Variants in KLK10 observed in about 807,000 individuals in gnomAD.
KLK10 encodes the protein kallikrein related peptidase 10, also known as kallikrein-10.
In KLK10, 27 loss-of-function variants were observed where a neutral mutation model predicts 25.7. That is an observed-to-expected ratio of 1.05 (90% CI 0.77 to 1.45). The LOEUF (loss-of-function observed/expected upper bound fraction) is 1.45, where lower values mean the gene tolerates loss of function less well. KLK10 is among the 40% of genes most tolerant of loss of function. KLK10 has a pLI of 0.00. For missense variants in KLK10, 386 were observed against 370.0 expected (o/e 1.04, Z -0.35); for synonymous variants, 173 against 160.1 (o/e 1.08, Z -0.61).
At chr19:51,015,239 G>T (rs2091308785) in intron 5 of KLK10, among the ~76,000 whole-genome samples, 178 bp downstream of exon 5, 2 of 151,674 alleles carry the variant, frequency 1.3e-5, no homozygotes, top group Non-Finnish European at 2.9e-5. Flanking sequence ...ATGGGGTGGG[G>T]TTGGGATGGA....
At chr19:51,016,240 A>G in intron 3 of KLK10, 84 bp from the exon 4 acceptor site, 1 of 1,416,594 alleles carries the variant, frequency 7.1e-7, no homozygotes. Flanking sequence ...GCCTGGAGAT[A>G]GGAAGAGTCT....
rs1409565996 is a variant in KLK10 at position 51,014,789 on chromosome 19, T to C, written c.*11A>G. The C allele has an allele frequency of 1.3e-6, 2 of 1,575,214 alleles. No homozygotes were observed. Among genetic ancestry groups the C allele is most frequent in the Non-Finnish European group, 1.7e-6 (2 of 1,152,040 alleles). ...CATAACATCTGGATCAGCTGGAGCG[T>C]AGCATCTGGATCAGTTGGAGCGTAT... On this transcript the variant is annotated 3_prime_UTR_variant, in exon 6 of 6. Coordinates refer to ENST00000358789, the MANE Select transcript of KLK10 (RefSeq NM_145888.3).
chr19:51,017,046 G>A, intron 3 of KLK10, 64 bp downstream of exon 3: 1 of 1,434,222 alleles, frequency 7.0e-7, no homozygotes, highest in Non-Finnish European at 9.3e-7. Context: ...CGCCCTGCCC[G>A]CTCCTCCCTG....
Position 51,014,795 on chromosome 19 carries a change from C to T in KLK10, c.*5G>A. On this transcript the variant is annotated 3_prime_UTR_variant, in exon 6 of 6. Coordinates refer to ENST00000358789, the MANE Select transcript of KLK10 (RefSeq NM_145888.3). Reference sequence around the variant, plus strand: ...ATCTGGATCAGCTGGAGCGTAGCATCTGGATCAGTTGGAGCGTATGACTTT... The same window carrying T: ...ATCTGGATCAGCTGGAGCGTAGCATTTGGATCAGTTGGAGCGTATGACTTT... 1 of 1,575,790 alleles carries T rather than the reference C, an allele frequency of 6.3e-7. No individual in the cohort carries two copies. The highest frequency in any genetic ancestry group is 8.7e-7 in the Non-Finnish European group (1 of 1,152,348).
rs2091288040 is a variant in KLK10, at chr19:51,013,538, C to T, written c.*1262G>A. On this transcript the variant is annotated 3_prime_UTR_variant, in exon 6 of 6. Coordinates refer to ENST00000358789, the MANE Select transcript of KLK10 (RefSeq NM_145888.3). ...CCCCCGGGTTCAAGTGATTCTTCTGCCTCAGCCTCCCAAGTAGATGGGATT... is the reference window on the plus strand; with the variant it reads ...CCCCCGGGTTCAAGTGATTCTTCTGTCTCAGCCTCCCAAGTAGATGGGATT... The T allele has an allele frequency of 6.5e-6, 1 of 152,850 alleles. No individual in the cohort carries two copies. Among genetic ancestry groups the T allele is most frequent in the Non-Finnish European group, 1.5e-5 (1 of 68,096 alleles). 9.5% of individuals were successfully genotyped at this position (152,850 alleles called of 1,614,324 possible).
Position 51,014,834 on chromosome 19 carries a change from A to G in KLK10, c.797T>C (p.Met266Thr). ...GCGTATGACTTTATTGATCCAGGAC[A>G]TGTATTTGCAGATCTGGGTGTAGAC... Reference protein sequence around the residue: ...PAVYTQICKYMSWINKVIRSN With the variant: ...PAVYTQICKYTSWINKVIRSN Residue 266 changes from methionine to threonine, a missense_variant, in exon 6 of 6, where the codon ATG (methionine) becomes ACG (threonine). Met to Thr is a moderately conservative substitution (Grantham distance 81, BLOSUM62 -1). Coordinates refer to ENST00000358789, the MANE Select transcript of KLK10 (RefSeq NM_145888.3). 6.2e-7 allele frequency: 1 copy of G among 1,614,092 alleles called. No individual in the cohort carries two copies. The highest frequency in any genetic ancestry group is 8.5e-7 in the Non-Finnish European group (1 of 1,179,970).
At chr19:51,016,273 G>A in intron 3 of KLK10, 117 bp from the exon 4 acceptor site, 1 of 1,172,256 alleles carries the variant, frequency 8.5e-7, no homozygotes, top group Non-Finnish European at 1.2e-6. Context: ...CCTTGTGGGA[G>A]AAGGGGACCT....
chr19:51,014,959 GT>G lies in KLK10; in HGVS notation c.679-8del. 6.2e-7 allele frequency: 1 copy of G among 1,612,152 alleles called. No individual in the cohort carries two copies. Among genetic ancestry groups the G allele is most frequent in the Non-Finnish European group, 8.5e-7 (1 of 1,179,344 alleles). ...GGGGGCCTCCAGAGTCACTCTGGGG[GT>G]GGCAGGAAGGAGAGATCAAATAAAT... On this transcript the variant is annotated splice_region_variant and splice_polypyrimidine_tract_variant and intron_variant, in intron 5 of 5. Transcript: ENST00000358789.
In KLK10 at chr19:51,017,306, G is replaced by A. The variant is rs1471352545; in HGVS notation, c.89-16C>T. 2 of 1,590,336 alleles carry A rather than the reference G, an allele frequency of 1.3e-6. No homozygotes were observed. Among genetic ancestry groups the A allele is most frequent in the Admixed American group, 1.7e-5 (1 of 58,062 alleles). On this transcript the variant is annotated splice_polypyrimidine_tract_variant and intron_variant, in intron 2 of 5. Transcript: ENST00000358789. ...GCCTCTGCGGCTGGAGAAAGAAAGGGGACGGAATCAAAGCACGGAGGGCAG... is the reference window on the plus strand; with the variant it reads ...GCCTCTGCGGCTGGAGAAAGAAAGGAGACGGAATCAAAGCACGGAGGGCAG...
chr19:51,015,970 GCGGGGCCCCA>G lies in KLK10; in HGVS notation c.446_455del (p.Leu149ProfsTer31), dbSNP rs2091321530. The G allele has an allele frequency of 6.3e-7, 1 of 1,581,314 alleles. No individual in the cohort carries two copies. The highest frequency in any genetic ancestry group is 1.3e-5 in the African/African-American group (1 of 74,580). On this transcript the variant is annotated frameshift_variant, in exon 4 of 6. Coordinates refer to ENST00000358789, the MANE Select transcript of KLK10 (RefSeq NM_145888.3). LOFTEE classifies it high-confidence loss of function. ...GGTAGGGAAGCTGCAGGGCCCGGACGCGGGGCCCCAGCACTACGGGCCTGGCCAGCTTCAG... is the reference window on the plus strand; with the variant it reads ...GGTAGGGAAGCTGCAGGGCCCGGACGGCACTACGGGCCTGGCCAGCTTCAG...
rs766945595 is a variant in KLK10 at position 51,019,086 on chromosome 19, C to T, written c.45G>A (p.Arg15=). Residue 15 remains arginine (R), a synonymous_variant, in exon 2 of 6, where the codon CGG becomes CGA. Coordinates refer to ENST00000358789, the MANE Select transcript of KLK10 (RefSeq NM_145888.3). This position sits in a 1 kb window ranked among gnomAD's most constrained non-coding sequence, Gnocchi z 4.2. ...GCAGCGGCAGCAGCTTCGCCAGAGCCCGGGCGCCAGAGGCGGCGGAGAGGT... is the reference window on the plus strand; with the variant it reads ...GCAGCGGCAGCAGCTTCGCCAGAGCTCGGGCGCCAGAGGCGGCGGAGAGGT... ...HLHLSAASGA[R]ALAKLLPLLM... is the part of the protein sequence containing the mutation. 12 of 1,608,834 alleles carry T rather than the reference C, an allele frequency of 7.5e-6. No homozygotes were observed. Among genetic ancestry groups the T allele is most frequent in the African/African-American group, 4.0e-5 (3 of 75,038 alleles).
rs973664707 is a variant in KLK10, at chr19:51,013,929, AG to A, written c.*870del. 22 of 153,532 alleles carry A rather than the reference AG, an allele frequency of 1.4e-4. No homozygotes were observed. Among genetic ancestry groups the A allele is most frequent in the African/African-American group, 5.3e-4 (22 of 41,568 alleles). 9.5% of individuals were successfully genotyped at this position (153,532 alleles called of 1,614,324 possible). On this transcript the variant is annotated 3_prime_UTR_variant, in exon 6 of 6. Coordinates refer to ENST00000358789, the MANE Select transcript of KLK10 (RefSeq NM_145888.3). ...CACAAGCTGGGCAGTTGAGGTGGCA[AG>A]GGTTTCCCAATCTTCACTACCCCCT...
In KLK10 at chr19:51,013,376, C is replaced by T. The variant is rs1168226244; in HGVS notation, c.*1424G>A. On this transcript the variant is annotated 3_prime_UTR_variant, in exon 6 of 6. Coordinates refer to ENST00000358789, the MANE Select transcript of KLK10 (RefSeq NM_145888.3). ...AAATTTCTGTTGTGCCTATATTCAG[C>T]TAGCTTATGTTACTGCTTCAAAGTT... 6.6e-6 allele frequency: 1 copy of T among 152,242 alleles called. No homozygotes were observed. The highest frequency in any genetic ancestry group is 2.4e-5 in the African/African-American group (1 of 41,460). The allele number at this position is 152,242 out of a possible 1,614,324, so 9.4% of individuals were successfully genotyped here.
chr19:51,018,386 A>T (rs2091363932), intron 2 of KLK10: 1 of 152,040 alleles, frequency 6.6e-6, no homozygotes, highest in African/African-American at 2.4e-5. Flanking sequence ...AAGTGAGGGG[A>T]GAGGGCAAAA....
chr19:51,018,318 GAAAGA>G (rs1176307995), intron 2 of KLK10: 1 of 150,198 alleles, frequency 6.7e-6, no homozygotes, highest in East Asian at 2.0e-4. Context: ...AAGAACGAAA[GAAAGA>G]AAAGAAAGAA....
intron 5 of KLK10, 92 bp from the exon 6 acceptor site, chr19:51,015,044 T>G (rs2091305588): frequency 3.5e-6 from 4 of 1,154,906 alleles, no homozygotes; most frequent in African/African-American, 1.6e-5. Flanking sequence ...AGGAAGGAGT[T>G]GGGTTGGGAT....
At chr19:51,018,541 A>G (rs1001073113) in intron 2 of KLK10, 2 of 160,728 alleles carry the variant, frequency 1.2e-5, no homozygotes, top group Admixed American at 6.0e-5. Context: ...CATCTCTACT[A>G]AAAATACAAA....
intron 2 of KLK10, 63 bp from the exon 3 acceptor site, chr19:51,017,353 C>G: frequency 6.8e-7 from 1 of 1,476,584 alleles, no homozygotes; most frequent in Non-Finnish European, 9.0e-7. Context: ...GGGGTTGGAG[C>G]TGGGCTGTGG....
Position 51,016,129 on chromosome 19 carries a change from G to T in KLK10, c.297C>A (p.Asp99Glu), listed in dbSNP as rs1140280. 2 of 1,588,092 alleles carry T rather than the reference G, an allele frequency of 1.3e-6. No individual in the cohort carries two copies. The highest frequency in any genetic ancestry group is 1.7e-4 in the Middle Eastern group (1 of 6,032). ...NKPLWARVGDDHLLLLQGEQL... is the reference protein window; with the variant it reads ...NKPLWARVGDEHLLLLQGEQL... ...GCTCTCCCTGAAGAAGCAGCAGGTG[G>T]TCATCCCCTACTCGAGCCCACAGTG... is the stretch of plus-strand genomic sequence containing the variant. Residue 99 changes from aspartate (D) to glutamate (E), a missense_variant, in exon 4 of 6, where the codon GAC becomes GAA. Transcript: ENST00000358789.
Sources: allele counts gnomAD v4.1 joint callset (sites outside exome capture counted in the v4.1 genomes callset), GRCh38; gene constraint gnomAD v4.1.1; non-coding constraint Gnocchi (gnomAD v3.1); transcripts MANE v1.5; gene names NCBI Gene and HGNC (gene_info 2026-07-23, HGNC 2026-07-21).